LRRC75A: variants seen among roughly 807,000 people sequenced by gnomAD.
LRRC75A encodes leucine rich repeat containing 75A.
LRRC75A carries 12 observed loss-of-function variants against 26.0 expected under a neutral mutation model. The ratio of observed to expected loss-of-function variants is 0.46; its 90% CI spans 0.30 to 0.75. The LOEUF (loss-of-function observed/expected upper bound fraction) is 0.75, where lower values mean the gene tolerates loss of function less well. Among genes scored for constraint, LRRC75A ranks in the 30% least tolerant of loss-of-function variants. The pLI is 0.08. For synonymous variants in LRRC75A, 223 were observed against 219.3 expected (o/e 1.02, Z -0.15); for missense variants, 410 against 486.6 (o/e 0.84, Z 1.48).
At chr17:16,475,029 C>G (rs1176374817) in intron 1 of LRRC75A, among the ~76,000 whole-genome samples, 1 of 151,582 alleles carries the variant, frequency 6.6e-6, no homozygotes, top group Non-Finnish European at 1.5e-5. Context: ...ACATTTGGTT[C>G]ATCCTCAAAG....
Position 16,456,823 on chromosome 17 carries a change from C to T in LRRC75A, c.375+5435G>A, listed in dbSNP as rs1476789376. On this transcript the variant is annotated intron_variant, in intron 2 of 3. Coordinates refer to ENST00000470794, the MANE Select transcript of LRRC75A (RefSeq NM_001113567.3). ...CCGCCTGGGCTTCTGTTATGTGCAGCAGAATCCTAACCCGCCCAGAAGGCT... is the reference window on the plus strand; with the variant it reads ...CCGCCTGGGCTTCTGTTATGTGCAGTAGAATCCTAACCCGCCCAGAAGGCT... 2.0e-5 allele frequency among the ~76,000 whole-genome samples: 3 copies of T among 152,230 alleles called. No individual in the cohort carries two copies. In the East Asian group the frequency reaches 5.8e-4, roughly 29 times the overall value.
chr17:16,443,674 C>CT lies in LRRC75A; in HGVS notation c.948dup (p.Gly317ArgfsTer18), dbSNP rs1250448094. 1 of 1,591,526 alleles carries CT rather than the reference C, an allele frequency of 6.3e-7. No homozygotes were observed. The highest frequency in any genetic ancestry group is 8.6e-7 in the Non-Finnish European group (1 of 1,168,950). On this transcript the variant is annotated frameshift_variant, in exon 4 of 4. Transcript: ENST00000470794. LOFTEE classifies it high-confidence loss of function. ...GGGCCCCCTCCAGGGTCCTCCTGGC[C>CT]TACTGTCCCTTCCCGGACCTCCTCC...
intron 2 of LRRC75A, among the ~76,000 whole-genome samples, chr17:16,458,528 C>G (rs191605454): frequency 6.6e-6 from 1 of 151,338 alleles, no homozygotes; most frequent in Non-Finnish European, 1.5e-5. Flanking sequence ...TGCAATGGCG[C>G]GATCTCAGCT....
intron 2 of LRRC75A, among the ~76,000 whole-genome samples, chr17:16,448,575 C>T (rs2093605808): frequency 6.6e-6 from 1 of 152,206 alleles, no homozygotes; most frequent in Admixed American, 6.5e-5. Context: ...ATGGGCTGAA[C>T]TGTATCCCGC....
chr17:16,483,310 T>C (rs180673531), intron 1 of LRRC75A, among the ~76,000 whole-genome samples: 12 of 152,318 alleles, frequency 7.9e-5, no homozygotes, highest in Admixed American at 7.2e-4. Context: ...CCTGGCACCA[T>C]GTGATGTGGC....
At chr17:16,489,512 C>A (rs1005868180) in intron 1 of LRRC75A, among the ~76,000 whole-genome samples, 1 of 152,160 alleles carries the variant, frequency 6.6e-6, no homozygotes, top group Admixed American at 6.5e-5. Context: ...CACCACCAGA[C>A]TAGAGAAGGA....
chr17:16,458,653 T>C (rs1456348549), intron 2 of LRRC75A, among the ~76,000 whole-genome samples: 2 of 151,966 alleles, frequency 1.3e-5, no homozygotes, highest in Admixed American at 6.6e-5. Flanking sequence ...TTAGTAGAGA[T>C]GGGGTTTCTC....
chr17:16,474,704 T>C lies in LRRC75A; in HGVS notation c.247-12318A>G, dbSNP rs1050639581. On this transcript the variant is annotated intron_variant, in intron 1 of 3. Coordinates refer to ENST00000470794, the MANE Select transcript of LRRC75A (RefSeq NM_001113567.3). ...GCCCAAGTGAAATGAAACATTTGGT[T>C]CATCCTGAGGCCGGGCGCGGTGGCT... 2.0e-5 allele frequency among the ~76,000 whole-genome samples: 3 copies of C among 152,028 alleles called. No individual in the cohort carries two copies. In the East Asian group the frequency reaches 5.8e-4, roughly 29 times the overall value.
chr17:16,475,372 G>C (rs1475998789), intron 1 of LRRC75A, among the ~76,000 whole-genome samples: 1 of 152,198 alleles, frequency 6.6e-6, no homozygotes, highest in Non-Finnish European at 1.5e-5. Flanking sequence ...TCACATGATT[G>C]TGGGGGCTGG....
At chr17:16,450,270 ACT>A (rs1323769296) in intron 2 of LRRC75A, among the ~76,000 whole-genome samples, 12 of 152,016 alleles carry the variant, frequency 7.9e-5, no homozygotes, top group African/African-American at 2.9e-4. Context: ...AGAGAAGGAG[ACT>A]CTGAGGAAGG....
chr17:16,467,371 T>C (rs2093777510), intron 1 of LRRC75A, among the ~76,000 whole-genome samples: 1 of 152,186 alleles, frequency 6.6e-6, no homozygotes, highest in Non-Finnish European at 1.5e-5. Flanking sequence ...ACAGCTGGCA[T>C]TTTGCATTCA....
intron 1 of LRRC75A, among the ~76,000 whole-genome samples, chr17:16,471,759 G>C (rs1403139733): frequency 6.6e-6 from 1 of 152,240 alleles, no homozygotes; most frequent in Admixed American, 6.5e-5. Flanking sequence ...CCACGACAAG[G>C]ATGAGGCTTG....
rs117418855 is a variant in LRRC75A at position 16,453,379 on chromosome 17, G to A, written c.376-5419C>T. On this transcript the variant is annotated intron_variant, in intron 2 of 3. Transcript: ENST00000470794. Reference sequence around the variant, plus strand: ...ACACACACACGAGAACAGAGGACAAGGGGGCATCACTGCACTGCCATTGCC... The same window carrying A: ...ACACACACACGAGAACAGAGGACAAAGGGGCATCACTGCACTGCCATTGCC... Among the ~76,000 whole-genome samples, 31 of 152,076 alleles carry A rather than the reference G, an allele frequency of 2.0e-4. No homozygotes were observed. In the East Asian group the frequency reaches 2.9e-3, roughly 14 times the overall value.
chr17:16,467,884 G>C (rs2093781525), intron 1 of LRRC75A, among the ~76,000 whole-genome samples: 1 of 152,110 alleles, frequency 6.6e-6, no homozygotes, highest in African/African-American at 2.4e-5. Flanking sequence ...TCTCATTCTT[G>C]ACATCGCCCA....
At chr17:16,472,715 G>T (rs2093810525) in intron 1 of LRRC75A, among the ~76,000 whole-genome samples, 1 of 152,294 alleles carries the variant, frequency 6.6e-6, no homozygotes, top group African/African-American at 2.4e-5. Flanking sequence ...TTTAAAACGG[G>T]TAATTGAGTA....
In LRRC75A at chr17:16,443,280, G is replaced by A; in HGVS notation, c.*308C>T. The A allele has an allele frequency of 5.3e-6, 2 of 374,786 alleles. No homozygotes were observed. Among genetic ancestry groups the A allele is most frequent in the East Asian group, 4.1e-5 (1 of 24,288 alleles). 23.2% of individuals were successfully genotyped at this position (374,786 alleles called of 1,614,324 possible). A position where few individuals can be genotyped will look rare whatever the true frequency, so the allele number is the denominator to read the frequency against. On this transcript the variant is annotated 3_prime_UTR_variant, in exon 4 of 4. Coordinates refer to ENST00000470794, the MANE Select transcript of LRRC75A (RefSeq NM_001113567.3). Reference sequence around the variant, plus strand: ...ATGGCTCAGGCTTACAGTACCTCCAGCCATGTGCCCATTTCCACAAGTCTT... The same window carrying A: ...ATGGCTCAGGCTTACAGTACCTCCAACCATGTGCCCATTTCCACAAGTCTT...
chr17:16,479,743 G>A (rs939677614), intron 1 of LRRC75A, among the ~76,000 whole-genome samples: 5 of 152,206 alleles, frequency 3.3e-5, no homozygotes, highest in African/African-American at 1.2e-4. Context: ...CTTGCCCCTC[G>A]CTGGGAACAC....
At chr17:16,476,791 T>C (rs193086847) in intron 1 of LRRC75A, among the ~76,000 whole-genome samples, 1 of 134,778 alleles carries the variant, frequency 7.4e-6, no homozygotes, top group African/African-American at 2.9e-5. Flanking sequence ...CAGGCTGGAG[T>C]GCAGTAGCAC....
chr17:16,451,502 T>C (rs2093630191), intron 2 of LRRC75A, among the ~76,000 whole-genome samples: 1 of 151,416 alleles, frequency 6.6e-6, no homozygotes. Flanking sequence ...GCGCCTGTGA[T>C]CCCAGCTGCT....
Sources: gnomAD v4.1 joint callset for allele counts (sites outside exome capture counted in the v4.1 genomes callset) on GRCh38, gnomAD v4.1.1 for gene constraint, MANE v1.5 for transcripts, NCBI Gene and HGNC (gene_info 2026-07-23, HGNC 2026-07-21) for gene names.